REV3L: variants seen among roughly 807,000 people sequenced by gnomAD.
REV3L encodes DNA polymerase zeta catalytic subunit.
A neutral mutation model predicts 299.4 loss-of-function variants in REV3L; 69 were observed. The ratio of observed to expected loss-of-function variants is 0.23; its 90% CI spans 0.19 to 0.28. The LOEUF (loss-of-function observed/expected upper bound fraction) is 0.28. Among genes scored for constraint, REV3L ranks in the 10% least tolerant of loss-of-function variants. The pLI is 1.00. For synonymous variants in REV3L, 1,238 were observed against 1,271.4 expected, an observed-to-expected ratio of 0.97 and a Z score of 0.56; for missense variants, 3,128 against 3,693.8, an observed-to-expected ratio of 0.85 and a Z score of 3.97.
intron 1 of REV3L, chr6:111,430,797 C>T: frequency 1.2e-6 from 2 of 1,608,204 alleles, no homozygotes. Flanking sequence ...GTGAAGGAAT[C>T]TGGAGGAAAG....
At chr6:111,348,633 T>C (rs1777262307) in intron 20 of REV3L, among the ~76,000 whole-genome samples, 1 of 152,140 alleles carries the variant, frequency 6.6e-6, no homozygotes, top group South Asian at 2.1e-4. Context: ...TTAGACAATA[T>C]TCAACATGTA....
rs761938686 is a variant in REV3L, at chr6:111,387,920, A to T, written c.948-7T>A. 2.5e-6 allele frequency: 4 copies of T among 1,613,648 alleles called. No homozygotes were observed. In the South Asian group the frequency reaches 4.4e-5, roughly 18 times the overall value. On this transcript the variant is annotated splice_region_variant and splice_polypyrimidine_tract_variant and intron_variant, in intron 8 of 31. Transcript: ENST00000368802. ...CACAGATCCTGATAATGTTCTGCTTAATTAAAACATATCCTTTATAACAGA... is the reference window on the plus strand; with the variant it reads ...CACAGATCCTGATAATGTTCTGCTTTATTAAAACATATCCTTTATAACAGA...
At chr6:111,331,384 G>A (rs935968171) in intron 24 of REV3L, among the ~76,000 whole-genome samples, 1 of 152,106 alleles carries the variant, frequency 6.6e-6, no homozygotes, top group African/African-American at 2.4e-5. Flanking sequence ...AAGTCTGCCT[G>A]ATTCTAATAA....
intron 1 of REV3L, among the ~76,000 whole-genome samples, chr6:111,417,635 G>C (rs1186262383): frequency 1.3e-5 from 2 of 151,966 alleles, no homozygotes; most frequent in African/African-American, 4.8e-5. Flanking sequence ...GATTTAGAAT[G>C]ATTTATATAA....
chr6:111,333,406 G>A, intron 22 of REV3L, 39 bp from the exon 23 acceptor site: 1 of 1,604,088 alleles, frequency 6.2e-7, no homozygotes, highest in South Asian at 1.1e-5. Flanking sequence ...AAGAAACACA[G>A]TTAAATATAT....
At chr6:111,377,888 G>A in intron 11 of REV3L, 45 bp from the exon 12 acceptor site, 1 of 1,524,050 alleles carries the variant, frequency 6.6e-7, no homozygotes, top group Non-Finnish European at 8.9e-7. Flanking sequence ...CATTAGTAAA[G>A]ACCATCTCAG....
chr6:111,413,332 T>C (rs1370087361), intron 2 of REV3L, among the ~76,000 whole-genome samples: 6 of 152,152 alleles, frequency 3.9e-5, no homozygotes, highest in African/African-American at 1.2e-4. Flanking sequence ...GATGTTTTCA[T>C]GTTTAAAAAA....
At chr6:111,327,330 G>T (rs1485767345) in intron 25 of REV3L, among the ~76,000 whole-genome samples, 2 of 152,112 alleles carry the variant, frequency 1.3e-5, no homozygotes, top group East Asian at 3.9e-4. Flanking sequence ...CAAGGCAGGA[G>T]AATCACTTGA....
intron 16 of REV3L, 76 bp downstream of exon 16, chr6:111,363,776 AT>A: frequency 6.8e-7 from 1 of 1,464,684 alleles, no homozygotes; most frequent in Non-Finnish European, 9.3e-7. Context: ...TGTTAAAAAA[AT>A]TCCATACTTG....
At chr6:111,368,986 C>T (rs572795742) in intron 13 of REV3L, among the ~76,000 whole-genome samples, 1 of 152,156 alleles carries the variant, frequency 6.6e-6, no homozygotes, top group South Asian at 2.1e-4. Context: ...AGACTTAAGC[C>T]CCTACTAGTT....
intron 26 of REV3L, among the ~76,000 whole-genome samples, chr6:111,317,132 C>T (rs240972): frequency 0.61 from 92,701 of 151,954 alleles, 29,099 homozygotes; most frequent in East Asian, 0.77. Context: ...CTTTAAGATT[C>T]TTTTTTCTAG....
chr6:111,433,084 T>C (rs1178008215), intron 1 of REV3L, among the ~76,000 whole-genome samples: 1 of 152,088 alleles, frequency 6.6e-6, no homozygotes, highest in Non-Finnish European at 1.5e-5. Context: ...TAAACACCTA[T>C]GTCAAAAAGT....
intron 26 of REV3L, among the ~76,000 whole-genome samples, chr6:111,317,089 A>C (rs904121181): frequency 2.0e-5 from 3 of 152,220 alleles, no homozygotes; most frequent in African/African-American, 7.2e-5. Context: ...AAAGACATTA[A>C]ATAGTGGAAA....
chr6:111,456,282 A>C (rs1790149220), intron 1 of REV3L, among the ~76,000 whole-genome samples: 1 of 152,204 alleles, frequency 6.6e-6, no homozygotes, highest in African/African-American at 2.4e-5. Flanking sequence ...TGCCAGAAAG[A>C]GTTAACAGTT....
Position 111,375,680 on chromosome 6 carries a change from T to C in REV3L, c.2675A>G (p.Asp892Gly). The C allele has an allele frequency of 6.2e-7, 1 of 1,614,002 alleles. No homozygotes were observed. Among genetic ancestry groups the C allele is most frequent in the Non-Finnish European group, 8.5e-7 (1 of 1,179,920 alleles). ...TCCAAAGTGACAGTCTATAAAACCA[T>C]CTGTGGGTGTTTTATTTTCAAAAGC... The part of the protein sequence containing the change: ...RGAFENKTPT[D>G]GFIDCHFGDG... Residue 892 changes from aspartate (D) to glycine (G), a missense_variant, in exon 13 of 32, where the codon GAT becomes GGT. By Grantham distance (94) the Asp-to-Gly change is moderately conservative. Around this residue, in one of 9 missense-constraint regions of REV3L, gnomAD observed 2,409 missense variants for 2,611.8 expected, o/e 0.92. Transcript: ENST00000368802.
At chr6:111,441,510 C>T (rs569709334) in intron 1 of REV3L, among the ~76,000 whole-genome samples, 2 of 152,190 alleles carry the variant, frequency 1.3e-5, no homozygotes, top group African/African-American at 2.4e-5. Context: ...CCTCGCTTCC[C>T]AAAGTGCTGA....
chr6:111,422,680 G>GTGTATA (rs1554228769), intron 1 of REV3L, among the ~76,000 whole-genome samples: 1 of 11,232 alleles, frequency 8.9e-5, no homozygotes, highest in Non-Finnish European at 3.5e-4. Flanking sequence ...ATATATATAC[G>GTGTATA]TATATATATA....
At position 111,389,092 on chromosome 6, in the gene REV3L, TA is replaced by T; in HGVS notation, c.862+13del. On this transcript the variant is annotated intron_variant, in intron 7 of 31. Coordinates refer to ENST00000368802, the MANE Select transcript of REV3L (RefSeq NM_001372078.1). ...TGATTTAAAAGAATAATCAGAGCAC[TA>T]TTAGGTTTATACCTTGTGACTCAGG... 1 of 1,572,868 alleles carries T rather than the reference TA, an allele frequency of 6.4e-7. No individual in the cohort carries two copies. The highest frequency in any genetic ancestry group is 8.7e-7 in the Non-Finnish European group (1 of 1,143,050).
At position 111,373,861 on chromosome 6, in the gene REV3L, T is replaced by C; in HGVS notation, c.4494A>G (p.Glu1498=). The change falls in exon 13 of 32, where the codon GAA becomes GAG. Residue 1498 remains glutamate (E), a synonymous_variant. Transcript: ENST00000368802. ...PERVKPRSLS[E]AISQTKALSQ... ...AAAGTGCTTTGGTTTGTGAAATTGC[T>C]TCTGATAACGACCTCGGTTTTACTC... 6.2e-7 allele frequency: 1 copy of C among 1,614,122 alleles called. No homozygotes were observed. The highest frequency in any genetic ancestry group is 1.1e-5 in the South Asian group (1 of 91,066).
Sources: allele counts gnomAD v4.1 joint callset (sites outside exome capture counted in the v4.1 genomes callset), GRCh38; gene constraint gnomAD v4.1.1; regional missense constraint gnomAD v4.1.1; transcripts MANE v1.5; gene names NCBI Gene and HGNC (gene_info 2026-07-23, HGNC 2026-07-21).